Variants in SP140 observed in about 807,000 individuals in gnomAD.
SP140 encodes the protein SP140 nuclear body protein, also known as nuclear body protein SP140.
Under a neutral mutation model 125.0 loss-of-function variants are expected in SP140, and 81 were observed. The ratio of observed to expected loss-of-function variants is 0.65; its 90% confidence interval spans 0.54 to 0.78. SP140 has a LOEUF of 0.78. Among genes scored for constraint, SP140 ranks in the 30% least tolerant of loss-of-function variants. The pLI is 0.00. For missense variants in SP140, 858 were observed against 1,037.0 expected, an observed-to-expected ratio of 0.83 and a Z score of 2.37; for synonymous variants, 312 against 354.0, an observed-to-expected ratio of 0.88 and a Z score of 1.33.
Position 230,267,024 on chromosome 2 carries a change from G to A in SP140, c.1241-2508G>A, listed in dbSNP as rs539785301. ...GGATTAGGGAAAGAAATATTTGGGG[G>A]CCATCTTAGAATTCTGCCTATCGTC... On this transcript the variant is annotated intron_variant, in intron 12 of 26. Coordinates refer to ENST00000392045, the MANE Select transcript of SP140 (RefSeq NM_007237.5). 9.2e-5 allele frequency among the ~76,000 whole-genome samples: 14 copies of A among 152,278 alleles called. No individual in the cohort carries two copies. The East Asian group carries it at 2.5e-3, about 27-fold the overall frequency.
chr2:230,279,543 GACA>G (rs979577081), intron 15 of SP140, among the ~76,000 whole-genome samples: 2 of 152,060 alleles, frequency 1.3e-5, no homozygotes, highest in African/African-American at 4.8e-5. Context: ...CTTTGATAAG[GACA>G]ACAATTACAG....
chr2:230,286,197 T>G (rs1426267514), intron 17 of SP140, among the ~76,000 whole-genome samples: 1 of 152,238 alleles, frequency 6.6e-6, no homozygotes, highest in Non-Finnish European at 1.5e-5. Flanking sequence ...AGTTCTTTCC[T>G]GTCTTGAGCA....
At chr2:230,294,400 A>G (rs2057459400) in intron 21 of SP140, 82 bp downstream of exon 21, 1 of 1,056,398 alleles carries the variant, frequency 9.5e-7, no homozygotes, top group Non-Finnish European at 1.4e-6. Flanking sequence ...GGGGTCTGAA[A>G]TTGGGTAGGA....
chr2:230,189,863 G>T, the SP140 span, among the ~76,000 whole-genome samples: 3 of 152,164 alleles, frequency 2.0e-5, no homozygotes, highest in Non-Finnish European at 4.4e-5. Flanking sequence ...TACCTGCAAA[G>T]GACATGATCT....
chr2:230,303,669 T>C (rs2058507604), intron 22 of SP140, among the ~76,000 whole-genome samples: 1 of 152,208 alleles, frequency 6.6e-6, no homozygotes, highest in Non-Finnish European at 1.5e-5. Context: ...TATGATCATC[T>C]CAATAAAGAC....
rs143947917 is a variant in SP140 at position 230,207,703 on chromosome 2, T to C, written c.-323+4424T>C. ...TCAACAATACCTGCAAAACTGATCT[T>C]GAATTGGCACTCTTCTCTGCATCTC... On this transcript the variant is annotated intron_variant, in intron 1 of 4. Coordinates refer to the SP140 transcript ENST00000456542. Among the ~76,000 whole-genome samples the C allele has an allele frequency of 1.7e-3, 260 of 152,320 alleles. 2 individuals are homozygous for C. Among genetic ancestry groups the C allele is most frequent in the African/African-American group, 5.8e-3 (242 of 41,572 alleles).
At chr2:230,255,247 G>A (rs925907578) in intron 11 of SP140, among the ~76,000 whole-genome samples, 3 of 152,184 alleles carry the variant, frequency 2.0e-5, no homozygotes, top group Admixed American at 1.3e-4. Flanking sequence ...TGAGCTGATG[G>A]ATGGTTCTCA....
chr2:230,212,197 C>T (rs934093380), intron 1 of SP140: 17 of 697,120 alleles, frequency 2.4e-5, no homozygotes, highest in East Asian at 5.4e-5. Context: ...TGCATTGCTG[C>T]GTTGGTGAAT....
In SP140 at chr2:230,251,006, G is replaced by C; in HGVS notation, c.1002G>C (p.Met334Ile). 6.2e-7 allele frequency: 1 copy of C among 1,613,868 alleles called. No individual in the cohort carries two copies. The highest frequency in any genetic ancestry group is 8.5e-7 in the Non-Finnish European group (1 of 1,179,806). The change falls in exon 10 of 27, where the codon ATG (methionine) becomes ATC (isoleucine). Residue 334 changes from methionine to isoleucine, a missense_variant. This residue lies in a region of SP140 where 791 missense variants were observed against 869.5 expected (regional missense o/e 0.91). Coordinates refer to ENST00000392045, the MANE Select transcript of SP140 (RefSeq NM_007237.5). ...GEEGSDDCSE[M>I]CDGEEPQEAS... ...AGGGCAGTGATGACTGTTCAGAAAT[G>C]TGTGATGGAGAAGAGCCCCAGGAAG...
At chr2:230,186,688 G>A in the SP140 span, among the ~76,000 whole-genome samples, 10 of 151,888 alleles carry the variant, frequency 6.6e-5, no homozygotes, top group East Asian at 1.9e-4. Context: ...TCCATAATCC[G>A]TTATATCACT....
At chr2:230,191,884 C>T in the SP140 span, among the ~76,000 whole-genome samples, 1 of 152,110 alleles carries the variant, frequency 6.6e-6, no homozygotes, top group African/African-American at 2.4e-5. Context: ...CGAAAATCCT[C>T]AATAAAATAA....
At position 230,283,499 on chromosome 2, in the gene SP140, C is replaced by G. The variant is rs750215052; in HGVS notation, c.1499-847C>G. 5.0e-4 allele frequency among the ~76,000 whole-genome samples: 76 copies of G among 152,182 alleles called. 1 individual carries two copies. Among genetic ancestry groups the G allele is most frequent in the Admixed American group, 6.5e-5 (1 of 15,280 alleles). ...TAGGGGAAAGAATGAGGCATCATCC[C>G]TAGGAATGACCAGGGTCACAACAGA... On this transcript the variant is annotated intron_variant, in intron 15 of 26. Coordinates refer to ENST00000392045, the MANE Select transcript of SP140 (RefSeq NM_007237.5).
At chr2:230,306,910 C>T (rs1371994383) in intron 22 of SP140, among the ~76,000 whole-genome samples, 1 of 152,216 alleles carries the variant, frequency 6.6e-6, no homozygotes, top group South Asian at 2.1e-4. Flanking sequence ...AAGAGAGGGC[C>T]TGAAGGCTGG....
At position 230,238,104 on chromosome 2, in the gene SP140, C is replaced by T. The variant is rs6761254; in HGVS notation, c.238-109C>T. The T allele has an allele frequency of 1.4e-3, 1,040 of 748,962 alleles. 6 individuals carry two copies. Among genetic ancestry groups the T allele is most frequent in the Middle Eastern group, 0.014 (39 of 2,818 alleles). The allele number at this position is 748,962 out of a possible 1,614,324, so 46.4% of individuals were successfully genotyped here. ...ACATTTAAGAAGTCATCCAAATATA[C>T]GCAAAATTCTAACATTTCACAAGAG... On this transcript the variant is annotated intron_variant, in intron 2 of 26. Coordinates refer to ENST00000392045, the MANE Select transcript of SP140 (RefSeq NM_007237.5).
chr2:230,311,166 C>T lies in SP140; in HGVS notation c.2296C>T (p.Leu766Phe). The part of the protein sequence containing the change: ...CPEEQLKCEF[L>F]LLKVYCCSES... ...CTTTCTTTTGCAGAAATGTGAGTTC[C>T]TCCTCTTGAAAGTCTATTGCTGTTC... is the stretch of plus-strand genomic sequence containing the variant. The change falls in exon 25 of 27, where the codon CTC becomes TTC. Residue 766 changes from leucine to phenylalanine, a missense_variant. Around this residue, in one of 4 missense-constraint regions of SP140, gnomAD observed 22 missense variants for 50.5 expected, o/e 0.44. Coordinates refer to ENST00000392045, the MANE Select transcript of SP140 (RefSeq NM_007237.5). 1 of 1,608,102 alleles carries T rather than the reference C, an allele frequency of 6.2e-7. No individual in the cohort carries two copies. Among genetic ancestry groups the T allele is most frequent in the Admixed American group, 1.7e-5 (1 of 57,828 alleles).
At chr2:230,191,269 A>G in the SP140 span, among the ~76,000 whole-genome samples, 1 of 152,156 alleles carries the variant, frequency 6.6e-6, no homozygotes, top group Non-Finnish European at 1.5e-5. Flanking sequence ...AAGCTAGCAG[A>G]AGACAAGAAA....
chr2:230,243,895 C>T (rs1402774330), intron 5 of SP140, 84 bp downstream of exon 5: 3 of 927,318 alleles, frequency 3.2e-6, no homozygotes, highest in African/African-American at 3.2e-5. Context: ...ATGCATTTTA[C>T]TCTGAGTACA....
At chr2:230,256,935 T>C (rs2051313700) in intron 12 of SP140, among the ~76,000 whole-genome samples, 1 of 152,176 alleles carries the variant, frequency 6.6e-6, no homozygotes, top group Non-Finnish European at 1.5e-5. Context: ...CACAAAAACC[T>C]CAAGACTTAG....
intron 22 of SP140, among the ~76,000 whole-genome samples, chr2:230,306,048 G>T (rs940264023): frequency 2.6e-5 from 4 of 152,178 alleles, no homozygotes; most frequent in African/African-American, 9.7e-5. Context: ...CCTGGGCCTG[G>T]CAAGGGCTGG....
Sources: allele counts gnomAD v4.1 joint callset (sites outside exome capture counted in the v4.1 genomes callset), GRCh38; gene constraint gnomAD v4.1.1; regional missense constraint gnomAD v4.1.1; transcripts MANE v1.5; gene names NCBI Gene and HGNC (gene_info 2026-07-23, HGNC 2026-07-21).